The following NLK variants were observed in gnomAD, a reference collection of about 807,000 sequenced individuals.
NLK encodes the protein serine/threonine-protein kinase NLK.
A neutral mutation model predicts 59.0 loss-of-function variants in NLK; 11 were observed. The ratio of observed to expected loss-of-function variants is 0.19; its 90% CI spans 0.12 to 0.31. The LOEUF (loss-of-function observed/expected upper bound fraction) is 0.31. NLK is among the 10% of genes least tolerant of loss of function. NLK has a pLI of 1.00. For missense variants in NLK, 410 were observed against 661.1 expected, an observed-to-expected ratio of 0.62 and a Z score of 4.16; for synonymous variants, 235 against 235.9, an observed-to-expected ratio of 1.00 and a Z score of 0.03.
rs111369321 is a variant in NLK at position 28,072,293 on chromosome 17, A to G, written c.458+28962A>G. 2.9e-3 allele frequency among the ~76,000 whole-genome samples: 423 copies of G among 148,374 alleles called. 4 individuals carry two copies. The highest frequency in any genetic ancestry group is 9.6e-3 in the African/African-American group (388 of 40,362). ...GGAAACACTTAATTCATTTCCATCAATTGTGCTTACTGATCTTCTTTCTTC... is the reference window on the plus strand; with the variant it reads ...GGAAACACTTAATTCATTTCCATCAGTTGTGCTTACTGATCTTCTTTCTTC... On this transcript the variant is annotated intron_variant, in intron 1 of 10. Coordinates refer to ENST00000407008, the MANE Select transcript of NLK (RefSeq NM_016231.5).
At chr17:28,148,174 C>G (rs1907333671) in intron 3 of NLK, among the ~76,000 whole-genome samples, 1 of 152,158 alleles carries the variant, frequency 6.6e-6, no homozygotes, top group South Asian at 2.1e-4. Flanking sequence ...GTATTTCCAG[C>G]AATCTCTCAT....
At chr17:28,052,858 CTG>C (rs933082482) in intron 1 of NLK, among the ~76,000 whole-genome samples, 4 of 148,930 alleles carry the variant, frequency 2.7e-5, no homozygotes, top group African/African-American at 9.9e-5. Context: ...CACATGGCTA[CTG>C]ACCAGCACCA....
chr17:28,192,303 A>G (rs543933554), intron 10 of NLK, 90 bp downstream of exon 10: 2 of 709,262 alleles, frequency 2.8e-6, no homozygotes, highest in African/African-American at 3.6e-5. Context: ...TTTTATTTAG[A>G]TAACATAGAT....
chr17:28,182,762 T>C (rs1402029419), intron 7 of NLK, among the ~76,000 whole-genome samples: 3 of 148,630 alleles, frequency 2.0e-5, no homozygotes, highest in African/African-American at 5.0e-5. Flanking sequence ...AGTAACAAAA[T>C]GTAAATGCCC....
At chr17:28,102,142 G>A (rs1166231171) in intron 1 of NLK, among the ~76,000 whole-genome samples, 1 of 152,062 alleles carries the variant, frequency 6.6e-6, no homozygotes, top group Non-Finnish European at 1.5e-5. Context: ...TGTATAGTGA[G>A]GTTTGGGTTT....
chr17:28,192,782 G>A (rs1477044294), intron 10 of NLK, among the ~76,000 whole-genome samples: 1 of 152,132 alleles, frequency 6.6e-6, no homozygotes, highest in African/African-American at 2.4e-5. Context: ...TCACATATAT[G>A]GCAGTCCTGC....
At chr17:28,064,599 T>A (rs1219045611) in intron 1 of NLK, among the ~76,000 whole-genome samples, 1 of 152,184 alleles carries the variant, frequency 6.6e-6, no homozygotes, top group African/African-American at 2.4e-5. Context: ...GGTCTCATTA[T>A]GTTGCCTAGG....
At chr17:28,074,114 A>G (rs1289311602) in intron 1 of NLK, among the ~76,000 whole-genome samples, 1 of 152,236 alleles carries the variant, frequency 6.6e-6, no homozygotes, top group Admixed American at 6.5e-5. Flanking sequence ...GGCTAGTCCT[A>G]TTTAAGGATG....
At chr17:28,055,120 T>C (rs1218902336) in intron 1 of NLK, among the ~76,000 whole-genome samples, 2 of 149,298 alleles carry the variant, frequency 1.3e-5, no homozygotes, top group African/African-American at 4.9e-5. Flanking sequence ...TTGAGACGGA[T>C]TCTCGCTCTG....
chr17:28,185,369 T>G (rs1909075592), intron 8 of NLK, 104 bp downstream of exon 8: 3 of 707,338 alleles, frequency 4.2e-6, no homozygotes, highest in Non-Finnish European at 6.9e-6. Flanking sequence ...TAATTACTTT[T>G]CAGAATATAA....
At position 28,082,481 on chromosome 17, in the gene NLK, A is replaced by T. The variant is rs569126635; in HGVS notation, c.458+39150A>T. Among the ~76,000 whole-genome samples the T allele has an allele frequency of 7.9e-5, 12 of 152,316 alleles. No homozygotes were observed. In the South Asian group the frequency reaches 2.5e-3, roughly 32 times the overall value. ...GCAGCCTGAATGTGAGTTTCTGCTA[A>T]TATGTTCATCCCCTTTTTATCAGTT... On this transcript the variant is annotated intron_variant, in intron 1 of 10. Transcript: ENST00000407008.
chr17:28,191,050 A>C lies in NLK; in HGVS notation c.1266A>C (p.Leu422Phe). 1 of 1,607,694 alleles carries C rather than the reference A, an allele frequency of 6.2e-7. No individual in the cohort carries two copies. Among genetic ancestry groups the C allele is most frequent in the Non-Finnish European group, 8.5e-7 (1 of 1,178,036 alleles). The change falls in exon 9 of 11, where the codon TTA (leucine) becomes TTC (phenylalanine). Residue 422 changes from leucine (L) to phenylalanine (F), a missense_variant. Physicochemically the swap from Leu to Phe is conservative, Grantham distance 22. Around this residue, in one of 5 missense-constraint regions of NLK, gnomAD observed 150 missense variants for 244.3 expected, o/e 0.61. Coordinates refer to ENST00000407008, the MANE Select transcript of NLK (RefSeq NM_016231.5). ...PSKRISAKDA[L>F]AHPYLDEGRL... The stretch of plus-strand genomic sequence containing the variant: ...AAAGAATATCCGCTAAGGATGCCTT[A>C]GCCCACCCCTACCTAGATGAAGGGC...
At chr17:28,113,733 T>A (rs1905627946) in intron 1 of NLK, among the ~76,000 whole-genome samples, 1 of 152,182 alleles carries the variant, frequency 6.6e-6, no homozygotes, top group South Asian at 2.1e-4. Flanking sequence ...TTAGAATGCC[T>A]TAACTTCCTG....
chr17:28,052,351 C>T (rs1909287869), intron 1 of NLK, among the ~76,000 whole-genome samples: 1 of 152,114 alleles, frequency 6.6e-6, no homozygotes, highest in African/African-American at 2.4e-5. Context: ...CATTAATTTG[C>T]AAGTTTCTTT....
intron 6 of NLK, among the ~76,000 whole-genome samples, chr17:28,169,781 G>A (rs1194231721): frequency 6.8e-6 from 1 of 147,296 alleles, no homozygotes; most frequent in African/African-American, 2.6e-5. Flanking sequence ...CAATGAAGTA[G>A]GAAAGCTGAA....
At chr17:28,135,511 C>A (rs1298511607) in intron 3 of NLK, among the ~76,000 whole-genome samples, 1 of 152,196 alleles carries the variant, frequency 6.6e-6, no homozygotes, top group East Asian at 1.9e-4. Flanking sequence ...CCCAAAGCCC[C>A]AGGTATACTA....
chr17:28,175,998 A>G (rs766567158), intron 7 of NLK, among the ~76,000 whole-genome samples: 17 of 152,228 alleles, frequency 1.1e-4, no homozygotes, highest in Admixed American at 5.9e-4. Context: ...ATGCCTTAAC[A>G]TAAAGGATCT....
intron 1 of NLK, among the ~76,000 whole-genome samples, chr17:28,059,107 C>T (rs1202538666): frequency 1.3e-5 from 2 of 151,250 alleles, no homozygotes; most frequent in African/African-American, 2.4e-5. Context: ...GCTTGGTCAA[C>T]AGAGCCAGAT....
chr17:28,131,358 CACTT>C (rs781166449), intron 2 of NLK, among the ~76,000 whole-genome samples: 16 of 151,506 alleles, frequency 1.1e-4, no homozygotes, highest in South Asian at 4.2e-4. Flanking sequence ...TATTTTTAAA[CACTT>C]ACATTTTAGA....
Sources: gnomAD v4.1 joint callset for allele counts (sites outside exome capture counted in the v4.1 genomes callset) on GRCh38, gnomAD v4.1.1 for gene constraint, gnomAD v4.1.1 regional missense constraint, MANE v1.5 for transcripts, NCBI Gene and HGNC (gene_info 2026-07-23, HGNC 2026-07-21) for gene names.